DOCK3: variants seen among roughly 807,000 people sequenced by gnomAD.
The protein encoded by DOCK3 is dedicator of cytokinesis 3, also known as dedicator of cytokinesis protein 3.
Under a neutral mutation model 265.6 loss-of-function variants are expected in DOCK3, and 60 were observed. The observed-to-expected ratio is 0.23, with a 90% CI of 0.18 to 0.28. DOCK3 has a LOEUF of 0.28. DOCK3 is among the 10% of genes least tolerant of loss of function. DOCK3 has a pLI of 1.00. For synonymous variants in DOCK3, 881 were observed against 938.0 expected, an observed-to-expected ratio of 0.94 and a Z score of 1.11; for missense variants, 1,981 against 2,594.3, an observed-to-expected ratio of 0.76 and a Z score of 5.14.
At chr3:50,879,812 A>G (rs2047931615) in intron 3 of DOCK3, among the ~76,000 whole-genome samples, 1 of 152,222 alleles carries the variant, frequency 6.6e-6, no homozygotes, top group Non-Finnish European at 1.5e-5. Flanking sequence ...CTCCACACCA[A>G]ATCAACAGAA....
At chr3:51,200,627 A>G (rs1007782703) in intron 12 of DOCK3, among the ~76,000 whole-genome samples, 5 of 151,982 alleles carry the variant, frequency 3.3e-5, no homozygotes, top group African/African-American at 4.8e-5. Context: ...AACTTCCCCA[A>G]TCTAGCAAGG....
chr3:50,770,159 A>G (rs2041187291), intron 1 of DOCK3, among the ~76,000 whole-genome samples: 1 of 152,214 alleles, frequency 6.6e-6, no homozygotes, highest in African/African-American at 2.4e-5. Context: ...GGGAGAAGTC[A>G]AATTATCCAT....
At chr3:51,346,060 ATT>A (rs1441599552) in intron 38 of DOCK3, among the ~76,000 whole-genome samples, 1 of 152,158 alleles carries the variant, frequency 6.6e-6, no homozygotes, top group Non-Finnish European at 1.5e-5. Flanking sequence ...ATAATAAAAC[ATT>A]TTTATTAGTA....
At chr3:51,034,343 AT>A (rs755766019) in intron 5 of DOCK3, among the ~76,000 whole-genome samples, 28 of 151,930 alleles carry the variant, frequency 1.8e-4, no homozygotes, top group Non-Finnish European at 2.8e-4. Context: ...TATTTGAATA[AT>A]TTTAAGAATT....
intron 2 of DOCK3, among the ~76,000 whole-genome samples, chr3:50,803,736 C>T (rs4688671): frequency 0.089 from 13,446 of 150,540 alleles, 1,202 homozygotes; most frequent in East Asian, 0.33. Flanking sequence ...GGCGGCTGGC[C>T]GGGCGGGGGC....
intron 1 of DOCK3, among the ~76,000 whole-genome samples, chr3:50,700,553 T>G (rs989386817): frequency 6.6e-6 from 1 of 152,250 alleles, no homozygotes; most frequent in Non-Finnish European, 1.5e-5. Flanking sequence ...TGTTCCTGAC[T>G]TAGTTCACTT....
intron 32 of DOCK3, among the ~76,000 whole-genome samples, chr3:51,318,764 C>T (rs1433263846): frequency 6.6e-6 from 1 of 152,030 alleles, no homozygotes; most frequent in South Asian, 2.1e-4. Flanking sequence ...TAATGCTTTG[C>T]TACTTGATCC....
At chr3:51,138,337 A>G (rs893740529) in intron 9 of DOCK3, among the ~76,000 whole-genome samples, 2 of 152,236 alleles carry the variant, frequency 1.3e-5, no homozygotes, top group African/African-American at 4.8e-5. Context: ...AAACGGGTAT[A>G]TAAACAGGTG....
chr3:51,146,475 C>T, intron 9 of DOCK3, 74 bp from the exon 10 acceptor site: 1 of 1,447,958 alleles, frequency 6.9e-7, no homozygotes, highest in Non-Finnish European at 9.5e-7. Flanking sequence ...TAGTGTTTTT[C>T]CGTATCTGCC....
intron 12 of DOCK3, among the ~76,000 whole-genome samples, chr3:51,172,850 A>T (rs2086751385): frequency 6.6e-6 from 1 of 152,174 alleles, no homozygotes; most frequent in Non-Finnish European, 1.5e-5. Context: ...GAGGTTACAT[A>T]AAACATTTTA....
chr3:51,125,394 AT>A (rs1390687876), intron 9 of DOCK3, among the ~76,000 whole-genome samples: 4 of 152,006 alleles, frequency 2.6e-5, no homozygotes, highest in Non-Finnish European at 5.9e-5. Flanking sequence ...GGTTGGCTCA[AT>A]TTTCTAGCTC....
chr3:51,326,835 G>A (rs2084160906), intron 32 of DOCK3, among the ~76,000 whole-genome samples: 1 of 151,860 alleles, frequency 6.6e-6, no homozygotes. Context: ...ATGTTGGTCA[G>A]GCTGGTCTCA....
At chr3:50,848,953 C>T (rs2046224244) in intron 3 of DOCK3, among the ~76,000 whole-genome samples, 1 of 152,146 alleles carries the variant, frequency 6.6e-6, no homozygotes, top group Non-Finnish European at 1.5e-5. Context: ...GTTTGCTTTA[C>T]ATAATCCCAT....
intron 5 of DOCK3, among the ~76,000 whole-genome samples, chr3:51,055,597 A>G (rs1033339150): frequency 6.6e-6 from 1 of 152,160 alleles, no homozygotes; most frequent in African/African-American, 2.4e-5. Flanking sequence ...CCTGTGTAGT[A>G]GGAGTGACTG....
At chr3:51,158,236 G>T (rs1270091128) in intron 10 of DOCK3, among the ~76,000 whole-genome samples, 3 of 152,130 alleles carry the variant, frequency 2.0e-5, no homozygotes, top group African/African-American at 4.8e-5. Flanking sequence ...TTCAACATAT[G>T]TTCTAAACAC....
At chr3:50,863,319 T>C (rs2046997605) in intron 3 of DOCK3, 1 of 486,210 alleles carries the variant, frequency 2.1e-6, no homozygotes, top group Non-Finnish European at 4.1e-6. Context: ...TCAGTTCAGG[T>C]CTGAGGGGAA....
intron 5 of DOCK3, among the ~76,000 whole-genome samples, chr3:50,946,433 C>G (rs1165823683): frequency 6.6e-6 from 1 of 152,142 alleles, no homozygotes; most frequent in African/African-American, 2.4e-5. Context: ...CTATGTAAGG[C>G]TATCTTTTGT....
In DOCK3 at chr3:50,863,445, T is replaced by G. The variant is rs541339225; in HGVS notation, c.162+21730T>G. 11 of 519,946 alleles carry G rather than the reference T, an allele frequency of 2.1e-5. No homozygotes were observed. In the East Asian group the frequency reaches 6.0e-4, roughly 28 times the overall value. 32.2% of individuals were successfully genotyped at this position (519,946 alleles called of 1,614,324 possible). A position where few individuals can be genotyped will look rare whatever the true frequency, so the allele number is the denominator to read the frequency against. On this transcript the variant is annotated intron_variant, in intron 3 of 52. Transcript: ENST00000266037. Reference sequence around the variant, plus strand: ...GCAGAGGGTCTTTCCAACAGTTTGGTGATTCATAGAATGTTACAAGGGTGA... The same window carrying G: ...GCAGAGGGTCTTTCCAACAGTTTGGGGATTCATAGAATGTTACAAGGGTGA...
chr3:51,089,202 C>T (rs2082540748), intron 7 of DOCK3, 41 bp from the exon 8 acceptor site: 2 of 1,571,576 alleles, frequency 1.3e-6, no homozygotes, highest in Non-Finnish European at 1.7e-6. Flanking sequence ...AATTTAGTTT[C>T]TTTCCCGGTA....
Sources: gnomAD v4.1 joint callset for allele counts (sites outside exome capture counted in the v4.1 genomes callset) on GRCh38, gnomAD v4.1.1 for gene constraint, MANE v1.5 for transcripts, NCBI Gene and HGNC (gene_info 2026-07-23, HGNC 2026-07-21) for gene names.